MRTFA: variants seen among roughly 807,000 people sequenced by gnomAD.
MRTFA encodes the protein myocardin-related transcription factor A.
In MRTFA, 20 loss-of-function variants were observed where a neutral mutation model predicts 83.5. The ratio of observed to expected loss-of-function variants is 0.24; its 90% CI spans 0.17 to 0.35. The LOEUF (loss-of-function observed/expected upper bound fraction) is 0.35, where lower values mean the gene tolerates loss of function less well. Among genes scored for constraint, MRTFA ranks in the 10% least tolerant of loss-of-function variants. MRTFA has a pLI of 1.00. For missense variants in MRTFA, 1,200 were observed against 1,224.7 expected (o/e 0.98, Z 0.30); for synonymous variants, 659 against 541.2 (o/e 1.22, Z -3.02).
At chr22:40,527,012 G>C (rs1036859094) in intron 3 of MRTFA, among the ~76,000 whole-genome samples, 1 of 151,908 alleles carries the variant, frequency 6.6e-6, no homozygotes, top group Non-Finnish European at 1.5e-5. Context: ...CTGTGGTCCA[G>C]CTACTCGGGA....
intron 2 of MRTFA, among the ~76,000 whole-genome samples, chr22:40,566,300 A>G (rs1337497928): frequency 1.3e-5 from 2 of 149,998 alleles, no homozygotes; most frequent in East Asian, 3.9e-4. Flanking sequence ...GGCTTACTGC[A>G]GCCTCCACCT....
intron 2 of MRTFA, among the ~76,000 whole-genome samples, chr22:40,553,746 G>A (rs1173780103): frequency 6.6e-6 from 1 of 152,172 alleles, no homozygotes; most frequent in East Asian, 1.9e-4. Flanking sequence ...CTGGAGCACT[G>A]CCTAGTAGAG....
intron 4 of MRTFA, among the ~76,000 whole-genome samples, chr22:40,439,772 C>G (rs749814639): frequency 6.6e-6 from 1 of 152,114 alleles, no homozygotes; most frequent in Non-Finnish European, 1.5e-5. Flanking sequence ...CACGTAACAG[C>G]CTTTGGCACT....
intron 10 of MRTFA, 84 bp downstream of exon 10, chr22:40,420,763 G>A: frequency 6.3e-7 from 1 of 1,583,002 alleles, no homozygotes; most frequent in Non-Finnish European, 8.6e-7. Flanking sequence ...AAGATGTGAG[G>A]TTCACCCCCA....
At chr22:40,513,269 T>C (rs62239088) in intron 3 of MRTFA, among the ~76,000 whole-genome samples, 1 of 152,174 alleles carries the variant, frequency 6.6e-6, no homozygotes, top group Non-Finnish European at 1.5e-5. Context: ...AGCAGAAATA[T>C]TAAAACACTA....
chr22:40,417,269 G>T (rs1203185847), intron 13 of MRTFA, 72 bp downstream of exon 13: 1 of 1,557,152 alleles, frequency 6.4e-7, no homozygotes, highest in African/African-American at 1.4e-5. Context: ...CTCCGGGTGG[G>T]GCTGTAGGAG....
intron 1 of MRTFA, among the ~76,000 whole-genome samples, chr22:40,600,688 C>G (rs982184904): frequency 2.6e-4 from 40 of 152,134 alleles, no homozygotes; most frequent in African/African-American, 9.7e-4. Flanking sequence ...AAATAAAAAA[C>G]TACAATCTTG....
At chr22:40,479,852 T>A (rs1047138130) in intron 3 of MRTFA, among the ~76,000 whole-genome samples, 8 of 152,174 alleles carry the variant, frequency 5.3e-5, no homozygotes, top group Non-Finnish European at 1.0e-4. Context: ...AATAGATATC[T>A]TCTATTTAAT....
intron 1 of MRTFA, among the ~76,000 whole-genome samples, chr22:40,628,887 G>A (rs1213297545): frequency 2.0e-5 from 3 of 152,178 alleles, no homozygotes; most frequent in Admixed American, 2.0e-4. Flanking sequence ...TGAGCAATTA[G>A]TTCCACCCAA....
chr22:40,569,697 A>G (rs45584542), intron 2 of MRTFA: 3 of 152,404 alleles, frequency 2.0e-5, no homozygotes, highest in Non-Finnish European at 4.4e-5. Context: ...CCTGGGTGAC[A>G]GGGCAAGACT....
intron 3 of MRTFA, among the ~76,000 whole-genome samples, chr22:40,480,668 G>A (rs985398000): frequency 6.6e-6 from 1 of 151,888 alleles, no homozygotes; most frequent in African/African-American, 2.4e-5. Flanking sequence ...ATTCAGGCTG[G>A]GCATGATGGT....
At chr22:40,431,089 A>G (rs1007049417) in intron 6 of MRTFA, among the ~76,000 whole-genome samples, 1 of 152,228 alleles carries the variant, frequency 6.6e-6, no homozygotes, top group African/African-American at 2.4e-5. Context: ...GCCTACAATC[A>G]CAATGACAGA....
At chr22:40,506,090 C>T (rs779112477) in intron 3 of MRTFA, among the ~76,000 whole-genome samples, 7 of 151,820 alleles carry the variant, frequency 4.6e-5, no homozygotes, top group Non-Finnish European at 7.4e-5. Flanking sequence ...AAAAATCAGC[C>T]GGGCATGGTA....
chr22:40,485,446 G>A (rs1485413253), intron 3 of MRTFA, among the ~76,000 whole-genome samples: 1 of 152,058 alleles, frequency 6.6e-6, no homozygotes, highest in African/African-American at 2.4e-5. Context: ...AAATAGCTTA[G>A]GAGACTCCAA....
chr22:40,456,296 G>A (rs1239755594), intron 4 of MRTFA, among the ~76,000 whole-genome samples: 1 of 151,850 alleles, frequency 6.6e-6, no homozygotes, highest in African/African-American at 2.4e-5. Flanking sequence ...CAACTTTGCT[G>A]TGAAACTGAA....
In MRTFA at chr22:40,416,662, G is replaced by A. The variant is rs548001615; in HGVS notation, c.2578+324C>T. 3.6e-4 allele frequency among the ~76,000 whole-genome samples: 55 copies of A among 152,316 alleles called. No individual in the cohort carries two copies. The highest frequency in any genetic ancestry group is 1.1e-3 in the African/African-American group (44 of 41,556). On this transcript the variant is annotated intron_variant, in intron 14 of 14. Coordinates refer to ENST00000355630, the MANE Select transcript of MRTFA (RefSeq NM_020831.6). This position sits in a 1 kb window ranked among gnomAD's most constrained non-coding sequence, Gnocchi z 4.2. ...CATTTTTGTCCTAAGGCTCCTCTCG[G>A]ATCTTCCATATGATCTGCTTATTTC...
chr22:40,498,476 G>C (rs547181921), intron 3 of MRTFA, among the ~76,000 whole-genome samples: 110 of 150,534 alleles, frequency 7.3e-4, no homozygotes, highest in African/African-American at 2.6e-3. Context: ...GTAGAGATGA[G>C]GTTTCACCAT....
At chr22:40,433,977 C>T (rs2053119361) in intron 5 of MRTFA, among the ~76,000 whole-genome samples, 1 of 152,192 alleles carries the variant, frequency 6.6e-6, no homozygotes, top group African/African-American at 2.4e-5. Context: ...GTTTGACTCC[C>T]AGCTTTGCCA....
intron 4 of MRTFA, among the ~76,000 whole-genome samples, chr22:40,445,022 A>T (rs1034177069): frequency 6.6e-6 from 1 of 152,178 alleles, no homozygotes; most frequent in Admixed American, 6.5e-5. Flanking sequence ...AGCCGTGATC[A>T]CACCACTACA....
Sources: gnomAD v4.1 joint callset for allele counts (sites outside exome capture counted in the v4.1 genomes callset) on GRCh38, gnomAD v4.1.1 for gene constraint, Gnocchi (gnomAD v3.1) non-coding constraint, MANE v1.5 for transcripts, NCBI Gene and HGNC (gene_info 2026-07-23, HGNC 2026-07-21) for gene names.